SLC14A2: variants seen among roughly 807,000 people sequenced by gnomAD.
SLC14A2 encodes solute carrier family 14 member 2.
SLC14A2 carries 91 observed loss-of-function variants against 104.6 expected under a neutral mutation model. The observed-to-expected ratio is 0.87, with a 90% confidence interval of 0.73 to 1.04. The LOEUF is 1.04. Among genes scored for constraint, SLC14A2 ranks in the 50% least tolerant of loss-of-function variants. The pLI is 0.00. For missense variants in SLC14A2, 1,189 were observed against 1,156.0 expected (o/e 1.03, Z -0.41); for synonymous variants, 476 against 466.4 (o/e 1.02, Z -0.27).
At chr18:45,194,518 A>G in the SLC14A2 span, among the ~76,000 whole-genome samples, 2 of 152,176 alleles carry the variant, frequency 1.3e-5, no homozygotes, top group Non-Finnish European at 2.9e-5. Flanking sequence ...GTGTTAATTT[A>G]AGCTTGCATG....
At chr18:45,380,487 A>G (rs1462111787) in intron 1 of SLC14A2, among the ~76,000 whole-genome samples, 4 of 152,232 alleles carry the variant, frequency 2.6e-5, no homozygotes, top group Non-Finnish European at 5.9e-5. Context: ...GAATGCTATC[A>G]GAAAGTAGAG....
At chr18:45,314,616 T>C (rs1038035906) in intron 1 of SLC14A2, among the ~76,000 whole-genome samples, 3 of 152,186 alleles carry the variant, frequency 2.0e-5, no homozygotes, top group African/African-American at 4.8e-5. Flanking sequence ...TATATCTCCA[T>C]GAAATAAGGG....
chr18:45,508,169 T>C (rs2043312625), intron 2 of SLC14A2, among the ~76,000 whole-genome samples: 1 of 152,218 alleles, frequency 6.6e-6, no homozygotes, highest in African/African-American at 2.4e-5. Context: ...TCCTGAGTCT[T>C]CCTGTGTTGA....
intron 2 of SLC14A2, among the ~76,000 whole-genome samples, chr18:45,604,623 C>T (rs2044840515): frequency 6.6e-6 from 1 of 152,176 alleles, no homozygotes; most frequent in Non-Finnish European, 1.5e-5. Context: ...CTTCAGTGGT[C>T]TCCAAATTTC....
Position 45,569,737 on chromosome 18 carries a change from T to TGTGA in SLC14A2, c.-34-54891_-34-54888dup, listed in dbSNP as rs541389903. On this transcript the variant is annotated intron_variant, in intron 2 of 20. Transcript: ENST00000586448. ...CATTAAATAATCTGTCTACCAAGAGTGTGAGTCCACACCGATAACCACTCC... is the reference window on the plus strand; with the variant it reads ...CATTAAATAATCTGTCTACCAAGAGTGTGAGTGAGTCCACACCGATAACCACTCC... Among the ~76,000 whole-genome samples, 97 of 152,096 alleles carry TGTGA rather than the reference T, an allele frequency of 6.4e-4. 1 individual carries two copies. Among genetic ancestry groups the TGTGA allele is most frequent in the African/African-American group, 2.1e-3 (89 of 41,482 alleles).
At chr18:45,214,967 A>G (rs1387335458) in intron 1 of SLC14A2, among the ~76,000 whole-genome samples, 2 of 151,780 alleles carry the variant, frequency 1.3e-5, no homozygotes, top group Non-Finnish European at 1.5e-5. Context: ...AAGATACCTA[A>G]TAGCTTATAT....
intron 2 of SLC14A2, among the ~76,000 whole-genome samples, chr18:45,495,160 A>G (rs1470816273): frequency 6.6e-6 from 1 of 152,272 alleles, no homozygotes; most frequent in African/African-American, 2.4e-5. Context: ...TGGCAAATGC[A>G]TGAGTGAATT....
chr18:45,374,720 T>TTACTTTG (rs371216662), intron 1 of SLC14A2, among the ~76,000 whole-genome samples: 1 of 152,218 alleles, frequency 6.6e-6, no homozygotes, highest in Non-Finnish European at 1.5e-5. Context: ...CAAAAATCAG[T>TTACTTTG]TACTTTGTAC....
chr18:45,352,241 A>G (rs184570495), intron 1 of SLC14A2, among the ~76,000 whole-genome samples: 1 of 152,282 alleles, frequency 6.6e-6, no homozygotes, highest in Non-Finnish European at 1.5e-5. Context: ...ATTTTCAGAG[A>G]GACCATGGAG....
chr18:45,192,642 T>TTTTTTGTTTTG, the SLC14A2 span, among the ~76,000 whole-genome samples: 31 of 144,930 alleles, frequency 2.1e-4, no homozygotes, highest in Middle Eastern at 7.2e-3. Flanking sequence ...GTGTGGTTTT[T>TTTTTTGTTTTG]TTTTGTTTTG....
chr18:45,313,532 T>A (rs2085099641), intron 1 of SLC14A2, among the ~76,000 whole-genome samples: 1 of 152,200 alleles, frequency 6.6e-6, no homozygotes, highest in African/African-American at 2.4e-5. Context: ...GAATTAAATA[T>A]CTTCTCCTTG....
chr18:45,357,071 T>C (rs2085561577), intron 1 of SLC14A2, among the ~76,000 whole-genome samples: 1 of 152,100 alleles, frequency 6.6e-6, no homozygotes, highest in African/African-American at 2.4e-5. Flanking sequence ...GCATAGGGAC[T>C]TTTATTGGGG....
chr18:45,616,951 G>A (rs980594406), intron 1 of SLC14A2, among the ~76,000 whole-genome samples: 1 of 151,998 alleles, frequency 6.6e-6, no homozygotes, highest in Non-Finnish European at 1.5e-5. Context: ...ACAAAAAATT[G>A]GCTGGGCATG....
At chr18:45,379,140 T>A (rs2085806719) in intron 1 of SLC14A2, among the ~76,000 whole-genome samples, 2 of 152,188 alleles carry the variant, frequency 1.3e-5, no homozygotes, top group South Asian at 4.1e-4. Context: ...ACTGCAAGTG[T>A]CACGGAATAC....
chr18:45,589,834 CAGGG>C (rs2044621649), intron 2 of SLC14A2, among the ~76,000 whole-genome samples: 1 of 152,020 alleles, frequency 6.6e-6, no homozygotes, highest in Non-Finnish European at 1.5e-5. Context: ...AAGGCTGGGG[CAGGG>C]AGGGGAGGAG....
chr18:45,413,342 C>T (rs1407640132), intron 1 of SLC14A2, among the ~76,000 whole-genome samples: 1 of 152,074 alleles, frequency 6.6e-6, no homozygotes, highest in Non-Finnish European at 1.5e-5. Flanking sequence ...AGCAATAGGG[C>T]CTCCTGCTGA....
At chr18:45,464,548 C>T (rs1196925125) in intron 1 of SLC14A2, among the ~76,000 whole-genome samples, 1 of 152,170 alleles carries the variant, frequency 6.6e-6, no homozygotes, top group Non-Finnish European at 1.5e-5. Flanking sequence ...AAATAAAGCC[C>T]GGCATGAGTG....
chr18:45,553,857 T>C (rs1171474965), intron 2 of SLC14A2, among the ~76,000 whole-genome samples: 2 of 152,162 alleles, frequency 1.3e-5, no homozygotes, highest in Non-Finnish European at 2.9e-5. Flanking sequence ...AAGTCAGTCT[T>C]GGACCCTGCC....
chr18:45,562,345 T>A (rs1384847135), intron 2 of SLC14A2, among the ~76,000 whole-genome samples: 1 of 152,144 alleles, frequency 6.6e-6, no homozygotes, highest in African/African-American at 2.4e-5. Flanking sequence ...CAAGTAAGAG[T>A]GAAATCTACA....
Sources: gnomAD v4.1 joint callset for allele counts (sites outside exome capture counted in the v4.1 genomes callset) on GRCh38, gnomAD v4.1.1 for gene constraint, MANE v1.5 for transcripts, NCBI Gene and HGNC (gene_info 2026-07-23, HGNC 2026-07-21) for gene names.